Variants in FAM114A2 observed in about 807,000 individuals in gnomAD.
The protein encoded by FAM114A2 is protein FAM114A2.
FAM114A2 carries 53 observed loss-of-function variants against 58.4 expected under a neutral mutation model. The ratio of observed to expected loss-of-function variants is 0.91; its 90% CI spans 0.73 to 1.14. The LOEUF (loss-of-function observed/expected upper bound fraction) is 1.14. FAM114A2 is among the 50% of genes most tolerant of loss of function. FAM114A2 has a pLI of 0.00. For missense variants in FAM114A2, 601 were observed against 581.1 expected (o/e 1.03, Z -0.35); for synonymous variants, 228 against 211.4 (o/e 1.08, Z -0.68).
chr5:154,016,835 A>AT (rs1458784085), intron 8 of FAM114A2, among the ~76,000 whole-genome samples: 1 of 152,200 alleles, frequency 6.6e-6, no homozygotes, highest in East Asian at 1.9e-4. Flanking sequence ...AAGACACAGA[A>AT]TTGCAAGAAG....
intron 8 of FAM114A2, among the ~76,000 whole-genome samples, chr5:154,020,648 T>G (rs1285343127): frequency 1.3e-5 from 2 of 152,020 alleles, no homozygotes; most frequent in Non-Finnish European, 2.9e-5. Context: ...ATTAAAGCAA[T>G]AATTAATAGC....
intron 1 of FAM114A2, 156 bp downstream of exon 1, chr5:154,038,701 T>C (rs1772779856): frequency 6.6e-6 from 1 of 152,220 alleles, no homozygotes; most frequent in East Asian, 1.9e-4. Flanking sequence ...CACACAAACG[T>C]AGCGCTTCAA....
intron 8 of FAM114A2, among the ~76,000 whole-genome samples, chr5:154,015,313 C>T (rs934818653): frequency 7.9e-5 from 12 of 152,308 alleles, no homozygotes; most frequent in Admixed American, 3.3e-4. Context: ...TGGCAGGAGG[C>T]CAACCAGCAT....
At chr5:154,010,147 C>G (rs1207302096) in intron 9 of FAM114A2, among the ~76,000 whole-genome samples, 1 of 152,110 alleles carries the variant, frequency 6.6e-6, no homozygotes, top group African/African-American at 2.4e-5. Flanking sequence ...AAGTGTTTAT[C>G]TATATATGTA....
intron 8 of FAM114A2, among the ~76,000 whole-genome samples, chr5:154,016,847 A>G (rs1327238505): frequency 1.3e-5 from 2 of 152,212 alleles, no homozygotes; most frequent in Non-Finnish European, 2.9e-5. Flanking sequence ...TGCAAGAAGG[A>G]TAAGAACTCA....
At chr5:153,996,991 T>TAAAAAAAAAAAAAAAAAATA (rs1769607168) in intron 12 of FAM114A2, among the ~76,000 whole-genome samples, 1 of 121,300 alleles carries the variant, frequency 8.2e-6, no homozygotes, top group Non-Finnish European at 1.7e-5. Flanking sequence ...GAGCAAAACT[T>TAAAAAAAAAAAAAAAAAATA]AAAAAAAAAA....
chr5:154,010,219 A>C (rs1770600909), intron 9 of FAM114A2, among the ~76,000 whole-genome samples: 1 of 152,202 alleles, frequency 6.6e-6, no homozygotes, highest in Non-Finnish European at 1.5e-5. Flanking sequence ...CAAATGAAGT[A>C]AGTATTAACA....
intron 3 of FAM114A2, 35 bp from the exon 4 acceptor site, chr5:154,033,918 G>A (rs1311602392): frequency 7.3e-7 from 1 of 1,361,242 alleles, no homozygotes; most frequent in Non-Finnish European, 1.0e-6. Flanking sequence ...TTTGCTATTT[G>A]TCACCAAAAC....
intron 9 of FAM114A2, 62 bp from the exon 10 acceptor site, chr5:154,003,031 C>T: frequency 3.4e-6 from 5 of 1,488,368 alleles, no homozygotes; most frequent in South Asian, 1.1e-5. Context: ...TACTGTGCAC[C>T]TACCAGGAAC....
At chr5:153,999,589 C>A (rs555410784) in intron 11 of FAM114A2, among the ~76,000 whole-genome samples, 3 of 150,302 alleles carry the variant, frequency 2.0e-5, no homozygotes, top group Admixed American at 1.3e-4. Flanking sequence ...AACGAGATTG[C>A]GCCACTGCAC....
intron 1 of FAM114A2, among the ~76,000 whole-genome samples, chr5:154,038,120 A>G (rs1054437373): frequency 2.0e-5 from 3 of 152,142 alleles, no homozygotes; most frequent in Non-Finnish European, 4.4e-5. Context: ...TTGTGTAGTA[A>G]GCGTGTAGAA....
At position 154,021,261 on chromosome 5, in the gene FAM114A2, G is replaced by A. The variant is rs6895474; in HGVS notation, c.913+5138C>T. ...CAAGACAGGGATGCCCTCTCTCACC[G>A]CTCCTATTCAACATAGTGTTGGAAG... On this transcript the variant is annotated intron_variant, in intron 8 of 13. Transcript: ENST00000351797. Among the ~76,000 whole-genome samples the A allele has an allele frequency of 9.1e-3, 1,385 of 152,170 alleles. 21 individuals carry two copies. Among genetic ancestry groups the A allele is most frequent in the African/African-American group, 0.028 (1,160 of 41,532 alleles).
chr5:154,025,141 C>CA lies in FAM114A2; in HGVS notation c.913+1257dup, dbSNP rs79056413. Among the ~76,000 whole-genome samples the CA allele has an allele frequency of 6.4e-3, 974 of 152,222 alleles. 36 individuals carry two copies. The East Asian group carries it at 0.12, about 18-fold the overall frequency. ...AAAGCACATAGTTCAGCTCACAACTCAAATAATGTAAGTGCTTTTCCTGAG... is the reference window on the plus strand; with the variant it reads ...AAAGCACATAGTTCAGCTCACAACTCAAAATAATGTAAGTGCTTTTCCTGAG... On this transcript the variant is annotated intron_variant, in intron 8 of 13. Transcript: ENST00000351797.
intron 8 of FAM114A2, among the ~76,000 whole-genome samples, chr5:154,022,976 G>C (rs1439804937): frequency 1.3e-5 from 2 of 152,210 alleles, no homozygotes; most frequent in Non-Finnish European, 2.9e-5. Context: ...ATGAGTTCAT[G>C]TCCTTTGTAG....
chr5:154,033,300 T>C (rs1772316290), intron 4 of FAM114A2, among the ~76,000 whole-genome samples: 1 of 152,234 alleles, frequency 6.6e-6, no homozygotes. Flanking sequence ...CTGGTTATAA[T>C]TCTAGCCTTC....
At chr5:154,023,571 T>C (rs1319661734) in intron 8 of FAM114A2, among the ~76,000 whole-genome samples, 1 of 152,020 alleles carries the variant, frequency 6.6e-6, no homozygotes, top group African/African-American at 2.4e-5. Context: ...GGAGCTAAGC[T>C]ATGAGGATGC....
At chr5:154,006,796 A>ATT (rs11318237) in intron 9 of FAM114A2, among the ~76,000 whole-genome samples, 6 of 129,844 alleles carry the variant, frequency 4.6e-5, no homozygotes, top group Admixed American at 7.8e-5. Context: ...CCCAAAGGAG[A>ATT]TTTTTTTTTT....
chr5:154,034,705 T>C, intron 2 of FAM114A2, 39 bp downstream of exon 2: 1 of 1,433,342 alleles, frequency 7.0e-7, no homozygotes, highest in Non-Finnish European at 9.8e-7. Context: ...AATCCTAATA[T>C]TTTAATAGAT....
At chr5:154,034,511 G>T in intron 2 of FAM114A2, 134 bp from the exon 3 acceptor site, 1 of 641,834 alleles carries the variant, frequency 1.6e-6, no homozygotes, top group Non-Finnish European at 2.7e-6. Flanking sequence ...TTTAGCTAAA[G>T]AAATGTATTG....
Sources: gnomAD v4.1 joint callset for allele counts (sites outside exome capture counted in the v4.1 genomes callset) on GRCh38, gnomAD v4.1.1 for gene constraint, MANE v1.5 for transcripts, NCBI Gene and HGNC (gene_info 2026-07-23, HGNC 2026-07-21) for gene names.